GALNT5: variants seen among roughly 807,000 people sequenced by gnomAD.
GALNT5 encodes the protein UDP-GalNAc:polypeptide N-acetylgalactosaminyltransferase 5.
Under a neutral mutation model 85.4 loss-of-function variants are expected in GALNT5, and 72 were observed. The observed-to-expected ratio is 0.84, with a 90% confidence interval of 0.70 to 1.03. The LOEUF (loss-of-function observed/expected upper bound fraction) is 1.03, where lower values mean the gene tolerates loss of function less well. GALNT5 is among the 50% of genes least tolerant of loss of function. The probability of loss-of-function intolerance (pLI) is 0.00; values close to 1 mark genes in which losing one functional copy is unlikely to be tolerated. For missense variants in GALNT5, 1,137 were observed against 1,135.5 expected (o/e 1.00, Z -0.02); for synonymous variants, 404 against 397.0 (o/e 1.02, Z -0.21).
At chr2:157,288,107 T>C (rs1341999704) in intron 3 of GALNT5, among the ~76,000 whole-genome samples, 1 of 152,210 alleles carries the variant, frequency 6.6e-6, no homozygotes, top group Non-Finnish European at 1.5e-5. Flanking sequence ...CTGTAAGCCC[T>C]GCTTTTACAG....
In GALNT5 at chr2:157,257,913, G is replaced by T; in HGVS notation, c.-170G>T. On this transcript the variant is annotated 5_prime_UTR_variant, in exon 1 of 10. Coordinates refer to ENST00000259056, the MANE Select transcript of GALNT5 (RefSeq NM_014568.3). ...GCCACGCAGGCAGAGACTGACAAGC[G>T]GTAGGAACTGAGCTTTCCCCTTGGA... 1 of 663,704 alleles carries T rather than the reference G, an allele frequency of 1.5e-6. No homozygotes were observed. Among genetic ancestry groups the T allele is most frequent in the Non-Finnish European group, 2.6e-6 (1 of 383,170 alleles). 41.1% of individuals were successfully genotyped at this position (663,704 alleles called of 1,614,324 possible). A position where few individuals can be genotyped will look rare whatever the true frequency, so the allele number is the denominator to read the frequency against.
chr2:157,280,321 T>TA (rs1394935908), intron 1 of GALNT5, among the ~76,000 whole-genome samples: 1 of 152,142 alleles, frequency 6.6e-6, no homozygotes, highest in Non-Finnish European at 1.5e-5. Context: ...CATGTATCCT[T>TA]ATAAAAGAGA....
At chr2:157,273,825 T>C (rs887343755) in intron 1 of GALNT5, among the ~76,000 whole-genome samples, 1 of 151,736 alleles carries the variant, frequency 6.6e-6, no homozygotes, top group East Asian at 1.9e-4. Context: ...TGTATTTTTT[T>C]TATTATACTT....
At position 157,276,637 on chromosome 2, in the gene GALNT5, G is replaced by A. The variant is rs184492113; in HGVS notation, c.1455-7645G>A. On this transcript the variant is annotated intron_variant, in intron 1 of 9. Coordinates refer to ENST00000259056, the MANE Select transcript of GALNT5 (RefSeq NM_014568.3). ...AGAGGTGTTTATAGTATTCTCTGAT[G>A]GTAGTTTGTATTTCTGTGGGATCAG... 2.9e-3 allele frequency among the ~76,000 whole-genome samples: 442 copies of A among 152,200 alleles called. 1 individual carries two copies. The highest frequency in any genetic ancestry group is 9.9e-3 in the African/African-American group (413 of 41,520).
intron 3 of GALNT5, among the ~76,000 whole-genome samples, chr2:157,290,112 T>TATATATATATATATACACACACAC (rs1416458086): frequency 4.3e-5 from 6 of 138,256 alleles, no homozygotes; most frequent in Admixed American, 1.4e-4. Context: ...TATATATATA[T>TATATATATATATATACACACACAC]ACATACACAA....
intron 1 of GALNT5, among the ~76,000 whole-genome samples, chr2:157,262,162 T>C (rs1419464762): frequency 6.9e-6 from 1 of 145,966 alleles, no homozygotes; most frequent in African/African-American, 2.7e-5. Flanking sequence ...CACACATAAC[T>C]GTCATATCAC....
At position 157,257,789 on chromosome 2, in the gene GALNT5, G is replaced by A. The variant is rs1414583358; in HGVS notation, c.-294G>A. 11 of 387,804 alleles carry A rather than the reference G, an allele frequency of 2.8e-5. No homozygotes were observed. Among genetic ancestry groups the A allele is most frequent in the Admixed American group, 1.2e-4 (3 of 24,926 alleles). The allele number at this position is 387,804 out of a possible 1,614,324, so 24.0% of individuals were successfully genotyped here. ...AGACAAGTGATATGTTGAACTGTTCGGTGGCTGGAATCAACTGCTCCTGGA... is the reference window on the plus strand; with the variant it reads ...AGACAAGTGATATGTTGAACTGTTCAGTGGCTGGAATCAACTGCTCCTGGA... On this transcript the variant is annotated 5_prime_UTR_variant, in exon 1 of 10. Coordinates refer to ENST00000259056, the MANE Select transcript of GALNT5 (RefSeq NM_014568.3).
chr2:157,287,979 G>C (rs532639855), intron 3 of GALNT5, among the ~76,000 whole-genome samples: 202 of 152,232 alleles, frequency 1.3e-3, no homozygotes, highest in African/African-American at 4.6e-3. Context: ...CCTTATGCAA[G>C]CTCCCCCATC....
chr2:157,295,392 G>C (rs113591017), intron 3 of GALNT5, among the ~76,000 whole-genome samples: 75 of 152,164 alleles, frequency 4.9e-4, no homozygotes, highest in African/African-American at 1.8e-3. Flanking sequence ...TTAATACCAA[G>C]TATTCTTTTC....
At chr2:157,308,799 A>T in intron 9 of GALNT5, 71 bp downstream of exon 9, 1 of 1,200,690 alleles carries the variant, frequency 8.3e-7, no homozygotes, top group African/African-American at 1.5e-5. Flanking sequence ...TAAAATTCTC[A>T]TTGTCACCTT....
At chr2:157,277,087 G>T (rs906700573) in intron 1 of GALNT5, among the ~76,000 whole-genome samples, 3 of 152,062 alleles carry the variant, frequency 2.0e-5, no homozygotes, top group Admixed American at 1.3e-4. Context: ...TTACTCAGTG[G>T]TCATTCAGGA....
At chr2:157,262,205 T>C (rs955146881) in intron 1 of GALNT5, among the ~76,000 whole-genome samples, 1 of 122,924 alleles carries the variant, frequency 8.1e-6, no homozygotes, top group African/African-American at 3.2e-5. Context: ...AACCAAAAAA[T>C]GTAAAAAAAA....
chr2:157,299,138 A>T (rs1273086374), intron 5 of GALNT5: 1 of 154,826 alleles, frequency 6.5e-6, no homozygotes, highest in Non-Finnish European at 1.5e-5. Flanking sequence ...CAGATGTTGC[A>T]GCCAGATCGC....
chr2:157,289,764 C>A (rs1683054684), intron 3 of GALNT5, among the ~76,000 whole-genome samples: 1 of 151,994 alleles, frequency 6.6e-6, no homozygotes, highest in Non-Finnish European at 1.5e-5. Context: ...AAACACAAAC[C>A]CATTTTTATT....
intron 1 of GALNT5, among the ~76,000 whole-genome samples, chr2:157,264,526 C>A (rs1380561200): frequency 6.6e-6 from 1 of 152,156 alleles, no homozygotes; most frequent in African/African-American, 2.4e-5. Flanking sequence ...TTAAAATGGT[C>A]TTTATTCTCT....
rs964089678 is a variant in GALNT5, at chr2:157,277,071, C to T, written c.1455-7211C>T. On this transcript the variant is annotated intron_variant, in intron 1 of 9. Coordinates refer to ENST00000259056, the MANE Select transcript of GALNT5 (RefSeq NM_014568.3). The stretch of plus-strand genomic sequence containing the variant: ...AACATCTTTATTTCTGCCTTCATTT[C>T]GTTATTTACTCAGTGGTCATTCAGG... Among the ~76,000 whole-genome samples, 14 of 152,032 alleles carry T rather than the reference C, an allele frequency of 9.2e-5. 1 individual carries two copies. Among genetic ancestry groups the T allele is most frequent in the Admixed American group, 6.6e-4 (10 of 15,262 alleles).
intron 1 of GALNT5, among the ~76,000 whole-genome samples, chr2:157,262,533 G>A (rs182612355): frequency 6.7e-6 from 1 of 148,234 alleles, no homozygotes; most frequent in Non-Finnish European, 1.5e-5. Context: ...AGCCACTCAG[G>A]AAGCTGAGGT....
At chr2:157,273,406 T>C (rs1041952404) in intron 1 of GALNT5, among the ~76,000 whole-genome samples, 2 of 152,086 alleles carry the variant, frequency 1.3e-5, no homozygotes, top group African/African-American at 4.8e-5. Flanking sequence ...ATTATCTTTA[T>C]TTTCTAAAAT....
At chr2:157,282,429 G>A (rs536501155) in intron 1 of GALNT5, among the ~76,000 whole-genome samples, 1 of 152,154 alleles carries the variant, frequency 6.6e-6, no homozygotes, top group East Asian at 1.9e-4. Flanking sequence ...ATTTTCTGGG[G>A]CTGAGGATTG....
Sources: allele counts gnomAD v4.1 joint callset (sites outside exome capture counted in the v4.1 genomes callset), GRCh38; gene constraint gnomAD v4.1.1; transcripts MANE v1.5; gene names NCBI Gene and HGNC (gene_info 2026-07-23, HGNC 2026-07-21).